PCDHA10: variants seen among roughly 807,000 people sequenced by gnomAD.
PCDHA10 encodes the protein protocadherin alpha-10.
PCDHA10 carries 45 observed loss-of-function variants against 61.2 expected under a neutral mutation model. The observed-to-expected ratio is 0.74, with a 90% CI of 0.58 to 0.94. The LOEUF (loss-of-function observed/expected upper bound fraction) is 0.94, where lower values mean the gene tolerates loss of function less well. Ranked by LOEUF, PCDHA10 falls within the 40% of genes least tolerant of loss-of-function variation. The pLI, the probability that PCDHA10 is intolerant of heterozygous loss-of-function variation, is 0.00. For synonymous variants in PCDHA10, 602 were observed against 548.8 expected, an observed-to-expected ratio of 1.10 and a Z score of -1.35; for missense variants, 1,278 against 1,236.2, an observed-to-expected ratio of 1.03 and a Z score of -0.51.
chr5:140,965,678 T>C (rs937496921), intron 1 of PCDHA10, among the ~76,000 whole-genome samples: 1 of 152,182 alleles, frequency 6.6e-6, no homozygotes, highest in Non-Finnish European at 1.5e-5. Context: ...ATGTAAAAGA[T>C]TTGAAGCAAG....
rs782258990 is a variant in PCDHA10 at position 140,870,453 on chromosome 5, T to C, written c.2388+12017T>C. ...TGGAGGTGGCCGACGTGAACGACAATGCGCCTGCGTTCGCACAGCCCGAGT... is the reference window on the plus strand; with the variant it reads ...TGGAGGTGGCCGACGTGAACGACAACGCGCCTGCGTTCGCACAGCCCGAGT... On this transcript the variant is annotated intron_variant, in intron 1 of 3. Coordinates refer to ENST00000307360, the MANE Select transcript of PCDHA10 (RefSeq NM_018901.4). 10 of 1,614,138 alleles carry C rather than the reference T, an allele frequency of 6.2e-6. No homozygotes were observed. The Admixed American group carries it at 6.7e-5, about 11-fold the overall frequency.
intron 1 of PCDHA10, chr5:140,863,094 G>A (rs782437357): frequency 8.7e-6 from 5 of 576,444 alleles, no homozygotes; most frequent in African/African-American, 3.7e-5. Flanking sequence ...TCAGCACGAC[G>A]AGTACCCTGG....
At chr5:140,917,776 A>G (rs1222024686) in intron 1 of PCDHA10, among the ~76,000 whole-genome samples, 2 of 152,044 alleles carry the variant, frequency 1.3e-5, no homozygotes, top group Non-Finnish European at 2.9e-5. Flanking sequence ...TATTAGTACC[A>G]TGTTGTTTTG....
chr5:140,969,613 T>C (rs2096347317), intron 1 of PCDHA10: 2 of 727,588 alleles, frequency 2.7e-6, no homozygotes, highest in African/African-American at 1.8e-5. Flanking sequence ...AAACACAGAT[T>C]TGTAGAGAAA....
rs1344675374 is a variant in PCDHA10 at position 140,952,992 on chromosome 5, ACT to A, written c.2389-25951_2389-25950del. Among the ~76,000 whole-genome samples, 6 of 151,892 alleles carry A rather than the reference ACT, an allele frequency of 4.0e-5. No individual in the cohort carries two copies. In the East Asian group the frequency reaches 7.7e-4, roughly 20 times the overall value. On this transcript the variant is annotated intron_variant, in intron 1 of 3. Transcript: ENST00000307360. ...TTTTAAACAACAAGATCTCATGAGAACTCTCTCACTATTATGAGAACAACATT... is the reference window on the plus strand; with the variant it reads ...TTTTAAACAACAAGATCTCATGAGAACTCTCACTATTATGAGAACAACATT...
chr5:140,957,446 C>T (rs1357499949), intron 1 of PCDHA10, among the ~76,000 whole-genome samples: 2 of 152,216 alleles, frequency 1.3e-5, no homozygotes, highest in East Asian at 1.9e-4. Context: ...TTATAAATCA[C>T]ACTTTATCAT....
At chr5:140,972,691 G>A (rs1213069719) in intron 1 of PCDHA10, among the ~76,000 whole-genome samples, 3 of 137,348 alleles carry the variant, frequency 2.2e-5, no homozygotes, top group Admixed American at 1.5e-4. Flanking sequence ...TTGAGATGGA[G>A]TCTCACTCTG....
intron 1 of PCDHA10, among the ~76,000 whole-genome samples, chr5:140,940,974 A>G (rs1206597858): frequency 6.6e-6 from 1 of 152,220 alleles, no homozygotes; most frequent in Non-Finnish European, 1.5e-5. Flanking sequence ...GATATCTGGT[A>G]TCTAGTTACA....
rs374310903 is a variant in PCDHA10 at position 140,968,575 on chromosome 5, G to A, written c.2389-10374G>A. 16 of 1,614,016 alleles carry A rather than the reference G, an allele frequency of 9.9e-6. No homozygotes were observed. In the African/African-American group the frequency reaches 2.1e-4, roughly 22 times the overall value. ...CTCGAACTGCCCCTGCTGGCTACCT[G>A]GTCACCAAAGTCATAGCTATGGACT... On this transcript the variant is annotated intron_variant, in intron 1 of 3. Transcript: ENST00000307360.
At chr5:140,970,252 T>A (rs2096392828) in intron 1 of PCDHA10, among the ~76,000 whole-genome samples, 1 of 152,234 alleles carries the variant, frequency 6.6e-6, no homozygotes, top group Non-Finnish European at 1.5e-5. Context: ...GTTGACAGTT[T>A]CTATGGTTTT....
At chr5:140,876,418 T>G in intron 1 of PCDHA10, 1 of 1,613,982 alleles carries the variant, frequency 6.2e-7, no homozygotes, top group African/African-American at 1.3e-5. Context: ...GAATAATGCC[T>G]ATGAAATTCA....
intron 1 of PCDHA10, among the ~76,000 whole-genome samples, chr5:140,902,203 CT>C (rs148688132): frequency 0.19 from 23,745 of 124,094 alleles, 1,540 homozygotes; most frequent in African/African-American, 0.29. Flanking sequence ...CTCTCTCTTT[CT>C]TTTTTTTTTT....
chr5:140,884,802 A>G, intron 1 of PCDHA10: 1 of 1,232,140 alleles, frequency 8.1e-7, no homozygotes, highest in Non-Finnish European at 1.1e-6. Flanking sequence ...GAATTTAACA[A>G]CTCTGCTGTG....
intron 1 of PCDHA10, among the ~76,000 whole-genome samples, chr5:140,944,651 C>T (rs1554216459): frequency 6.6e-6 from 1 of 152,152 alleles, no homozygotes; most frequent in Non-Finnish European, 1.5e-5. Context: ...ATTGGGAGTC[C>T]ATACCCCTTA....
intron 1 of PCDHA10, among the ~76,000 whole-genome samples, chr5:140,878,707 A>C (rs1450914173): frequency 2.0e-5 from 3 of 152,232 alleles, no homozygotes; most frequent in Non-Finnish European, 4.4e-5. Context: ...GCCTGGTAGT[A>C]AAGGCATTAA....
intron 1 of PCDHA10, among the ~76,000 whole-genome samples, chr5:140,965,887 T>C (rs1357808186): frequency 6.6e-6 from 1 of 152,214 alleles, no homozygotes; most frequent in Non-Finnish European, 1.5e-5. Context: ...GAGAGCAGAA[T>C]TGAGTCTTGG....
At chr5:140,943,547 C>T (rs1376489824) in intron 1 of PCDHA10, among the ~76,000 whole-genome samples, 20 of 152,104 alleles carry the variant, frequency 1.3e-4, no homozygotes, top group African/African-American at 4.6e-4. Context: ...TGTAAATAGA[C>T]GTAGACAATA....
At chr5:140,970,280 C>G (rs1445871505) in intron 1 of PCDHA10, among the ~76,000 whole-genome samples, 3 of 152,138 alleles carry the variant, frequency 2.0e-5, no homozygotes, top group East Asian at 1.9e-4. Flanking sequence ...TGTAAAGTAG[C>G]CTTTTCAAGT....
At chr5:140,969,588 T>A in intron 1 of PCDHA10, 1 of 849,870 alleles carries the variant, frequency 1.2e-6, no homozygotes, top group Non-Finnish European at 1.8e-6. Context: ...GGATTAGTCT[T>A]AATATTTAAT....
Sources: allele counts gnomAD v4.1 joint callset (sites outside exome capture counted in the v4.1 genomes callset), GRCh38; gene constraint gnomAD v4.1.1; transcripts MANE v1.5; gene names NCBI Gene and HGNC (gene_info 2026-07-23, HGNC 2026-07-21).